The following NR2F1-AS1 variants were observed in gnomAD, a reference collection of about 807,000 sequenced individuals.
NR2F1-AS1 encodes the protein NR2F1 antisense RNA 1.
intron 4 of NR2F1-AS1, among the ~76,000 whole-genome samples, chr5:93,466,262 C>T (rs1421052242): frequency 2.6e-5 from 4 of 151,834 alleles, no homozygotes; most frequent in Admixed American, 2.6e-4. Context: ...CTTTTGCCAT[C>T]TCTTTTCCTC....
chr5:93,540,518 C>T (rs1751926386), intron 4 of NR2F1-AS1, among the ~76,000 whole-genome samples: 1 of 152,170 alleles, frequency 6.6e-6, no homozygotes, highest in Non-Finnish European at 1.5e-5. Flanking sequence ...TGCCAGCATC[C>T]ATTTACTTTT....
chr5:93,531,051 T>C (rs1306175803), intron 4 of NR2F1-AS1, among the ~76,000 whole-genome samples: 1 of 152,136 alleles, frequency 6.6e-6, no homozygotes, highest in African/African-American at 2.4e-5. Flanking sequence ...TGGCTGGAAG[T>C]GAATAAATCA....
chr5:93,468,390 C>T (rs1431800773), intron 4 of NR2F1-AS1, among the ~76,000 whole-genome samples: 6 of 152,320 alleles, frequency 3.9e-5, no homozygotes, highest in South Asian at 2.1e-4. Context: ...TTGCATTTCT[C>T]TGATGACCAG....
chr5:93,492,212 T>C lies in NR2F1-AS1; in HGVS notation n.638+61549A>G, dbSNP rs944680968. On this transcript the variant is annotated intron_variant and non_coding_transcript_variant, in intron 4 of 5. Transcript: ENST00000660523. ...AGGTAATCTAGATGTATGGACAAAT[T>C]CCTAGAAACACATAAATTATCAAAA... Among the ~76,000 whole-genome samples, 5 of 152,086 alleles carry C rather than the reference T, an allele frequency of 3.3e-5. No individual in the cohort carries two copies. In the East Asian group the frequency reaches 5.8e-4, roughly 18 times the overall value.
At chr5:93,580,460 T>C (rs1434991831) in intron 1 of NR2F1-AS1, 1 of 152,320 alleles carries the variant, frequency 6.6e-6, no homozygotes, top group Non-Finnish European at 1.5e-5. Flanking sequence ...ACCATTATGT[T>C]ACTTGCCTGG....
chr5:93,418,235 G>A (rs1022873383), intron 4 of NR2F1-AS1, among the ~76,000 whole-genome samples: 7 of 152,148 alleles, frequency 4.6e-5, no homozygotes, highest in Non-Finnish European at 8.8e-5. Flanking sequence ...CCAGCTTGCC[G>A]AGGACCAGCT....
chr5:93,573,637 G>C (rs1561513038), intron 1 of NR2F1-AS1, among the ~76,000 whole-genome samples: 1 of 152,192 alleles, frequency 6.6e-6, no homozygotes, highest in Admixed American at 6.5e-5. Context: ...GATTTCTAAA[G>C]TAATCTTTTG....
chr5:93,537,255 T>A (rs1751858419), intron 4 of NR2F1-AS1, among the ~76,000 whole-genome samples: 1 of 152,126 alleles, frequency 6.6e-6, no homozygotes, highest in Non-Finnish European at 1.5e-5. Context: ...AGGAATTTTT[T>A]AAATAAGACC....
chr5:93,431,752 C>T lies in NR2F1-AS1; in HGVS notation n.639-36210G>A, dbSNP rs564975205. ...TTTGAAGACGAAAAACACATTGTAG[C>T]TTTGTATTCATGGAGTACATGTTAC... On this transcript the variant is annotated intron_variant and non_coding_transcript_variant, in intron 4 of 5. Coordinates refer to ENST00000660523, the Ensembl canonical transcript of NR2F1-AS1. Among the ~76,000 whole-genome samples the T allele has an allele frequency of 3.9e-5, 6 of 152,310 alleles. No individual in the cohort carries two copies. In the South Asian group the frequency reaches 1.2e-3, roughly 32 times the overall value.
At chr5:93,434,580 T>C (rs939095099) in intron 4 of NR2F1-AS1, among the ~76,000 whole-genome samples, 13 of 152,330 alleles carry the variant, frequency 8.5e-5, no homozygotes, top group Middle Eastern at 3.4e-3. Context: ...AAAAAAGATA[T>C]TCACTTACAG....
upstream of NR2F1-AS1, among the ~76,000 whole-genome samples, chr5:93,581,680 C>T (rs990811449): frequency 2.5e-5 from 1 of 40,180 alleles, no homozygotes; most frequent in South Asian, 1.4e-3. Flanking sequence ...CTCTCTCTCT[C>T]TCTCTCTCTC....
intron 4 of NR2F1-AS1, among the ~76,000 whole-genome samples, chr5:93,499,622 A>G (rs1475708107): frequency 6.6e-6 from 1 of 152,116 alleles, no homozygotes; most frequent in Non-Finnish European, 1.5e-5. Flanking sequence ...CCCTATTCCC[A>G]GACACAACAT....
chr5:93,466,282 T>G (rs2149867038), intron 4 of NR2F1-AS1, among the ~76,000 whole-genome samples: 1 of 152,108 alleles, frequency 6.6e-6, no homozygotes, highest in South Asian at 2.1e-4. Context: ...CCTCCTCTTT[T>G]GCTTCCACTG....
chr5:93,506,045 C>T (rs1416674039), intron 4 of NR2F1-AS1, among the ~76,000 whole-genome samples: 1 of 152,206 alleles, frequency 6.6e-6, no homozygotes, highest in Admixed American at 6.5e-5. Flanking sequence ...CTTTTAACAG[C>T]ACCCAAGTCA....
At chr5:93,545,255 G>A (rs1752056053) in intron 4 of NR2F1-AS1, among the ~76,000 whole-genome samples, 1 of 152,194 alleles carries the variant, frequency 6.6e-6, no homozygotes, top group African/African-American at 2.4e-5. Flanking sequence ...ATTCATCAAT[G>A]AGGGTTTATA....
intron 4 of NR2F1-AS1, among the ~76,000 whole-genome samples, chr5:93,425,910 T>C (rs1749185003): frequency 6.6e-6 from 1 of 152,062 alleles, no homozygotes; most frequent in Non-Finnish European, 1.5e-5. Context: ...TCAATAAACG[T>C]TCAATAAATT....
At chr5:93,545,687 A>G (rs1268005318) in intron 4 of NR2F1-AS1, among the ~76,000 whole-genome samples, 1 of 152,184 alleles carries the variant, frequency 6.6e-6, no homozygotes, top group Non-Finnish European at 1.5e-5. Flanking sequence ...TTTTGGCCCA[A>G]GCCTGGATAC....
In NR2F1-AS1 at chr5:93,579,743, A is replaced by G. The variant is rs952471581; in HGVS notation, n.313+724T>C. On this transcript the variant is annotated intron_variant and non_coding_transcript_variant, in intron 1 of 5. Transcript: ENST00000660523. This position sits in a 1 kb window ranked among gnomAD's most constrained non-coding sequence, Gnocchi z 5.1. Reference sequence around the variant, plus strand: ...CTTTCAACACACCCCCTCTGTCCCCACCCCTGGGAGGCGACCCCCTCCCCG... The same window carrying G: ...CTTTCAACACACCCCCTCTGTCCCCGCCCCTGGGAGGCGACCCCCTCCCCG... Among the ~76,000 whole-genome samples the G allele has an allele frequency of 6.7e-6, 1 of 148,178 alleles. No individual in the cohort carries two copies. Among genetic ancestry groups the G allele is most frequent in the Non-Finnish European group, 1.5e-5 (1 of 66,982 alleles).
At chr5:93,581,628 C>A (rs192451397), upstream of NR2F1-AS1, among the ~76,000 whole-genome samples, 7 of 150,786 alleles carry the variant, frequency 4.6e-5, no homozygotes, top group Non-Finnish European at 1.0e-4. Context: ...CCCCTCCTCC[C>A]GCGACCAATC....
Sources: allele counts gnomAD v4.1 joint callset (sites outside exome capture counted in the v4.1 genomes callset), GRCh38; gene constraint gnomAD v4.1.1; non-coding constraint Gnocchi (gnomAD v3.1); transcripts MANE v1.5; gene names NCBI Gene and HGNC (gene_info 2026-07-23, HGNC 2026-07-21).